The following ABHD12B variants were observed in gnomAD, a reference collection of about 807,000 sequenced individuals.
The protein encoded by ABHD12B is protein ABHD12B.
In ABHD12B, 42 loss-of-function variants were observed where a neutral mutation model predicts 50.4. That is an observed-to-expected ratio of 0.83 (90% CI 0.65 to 1.08). ABHD12B has a LOEUF of 1.08. Ranked by LOEUF, ABHD12B falls within the 50% of genes least tolerant of loss-of-function variation. The probability of loss-of-function intolerance (pLI) is 0.00; values close to 1 mark genes in which losing one functional copy is unlikely to be tolerated. For synonymous variants in ABHD12B, 167 were observed against 160.3 expected (o/e 1.04, Z -0.32); for missense variants, 479 against 447.7 (o/e 1.07, Z -0.63).
intron 1 of ABHD12B, among the ~76,000 whole-genome samples, chr14:50,874,790 T>C (rs2049837967): frequency 6.6e-6 from 1 of 152,204 alleles, no homozygotes; most frequent in African/African-American, 2.4e-5. Context: ...GTTGGTTCTT[T>C]ATTATCTATT....
intron 1 of ABHD12B, among the ~76,000 whole-genome samples, chr14:50,873,074 T>C (rs1595994850): frequency 6.6e-6 from 1 of 152,212 alleles, no homozygotes; most frequent in South Asian, 2.1e-4. Context: ...GGGAAGGTAT[T>C]GGCATTTTTA....
chr14:50,900,822 C>A (rs770590455), intron 9 of ABHD12B, among the ~76,000 whole-genome samples: 3 of 152,180 alleles, frequency 2.0e-5, no homozygotes, highest in Non-Finnish European at 2.9e-5. Flanking sequence ...CAGGAAGCCG[C>A]CGGATTCTTC....
rs17123116 is a variant in ABHD12B at position 50,904,363 on chromosome 14, A to C, written c.1086A>C (p.Ser362=). ...TVRDFLSKQW[S] ...GAGATTTCCTGAGCAAGCAGTGGTCATGAGTCTGGGAGGAGTGGAAATCTT... is the reference window on the plus strand; with the variant it reads ...GAGATTTCCTGAGCAAGCAGTGGTCCTGAGTCTGGGAGGAGTGGAAATCTT... Residue 362 remains serine (S), a synonymous_variant, in exon 13 of 13, where the codon TCA becomes TCC. Transcript: ENST00000337334. 38,956 of 1,613,878 alleles carry C rather than the reference A, an allele frequency of 0.024. 664 individuals are homozygous for C. Among genetic ancestry groups the C allele is most frequent in the East Asian group, 0.066 (2,977 of 44,880 alleles).
intron 5 of ABHD12B, among the ~76,000 whole-genome samples, chr14:50,885,163 C>T (rs1320382656): frequency 1.3e-5 from 2 of 152,188 alleles, no homozygotes; most frequent in Admixed American, 6.5e-5. Flanking sequence ...CTCAGCCTTC[C>T]TGCTCTCCGT....
chr14:50,880,410 A>T, intron 3 of ABHD12B, 42 bp from the exon 4 acceptor site: 1 of 1,533,988 alleles, frequency 6.5e-7, no homozygotes, highest in Non-Finnish European at 8.8e-7. Flanking sequence ...AGGATGGAGA[A>T]TTCCTCTTTC....
Sources: allele counts gnomAD v4.1 joint callset (sites outside exome capture counted in the v4.1 genomes callset), GRCh38; gene constraint gnomAD v4.1.1; transcripts MANE v1.5; gene names NCBI Gene and HGNC (gene_info 2026-07-23, HGNC 2026-07-21).